Variants in UBXN2B observed in about 807,000 individuals in gnomAD.
The protein encoded by UBXN2B is UBX domain protein 2B.
A neutral mutation model predicts 37.5 loss-of-function variants in UBXN2B; 19 were observed. The ratio of observed to expected loss-of-function variants is 0.51; its 90% confidence interval spans 0.35 to 0.74. The LOEUF (loss-of-function observed/expected upper bound fraction) is 0.74, where lower values mean the gene tolerates loss of function less well. Ranked by LOEUF, UBXN2B falls within the 30% of genes least tolerant of loss-of-function variation. The pLI is 0.01. For synonymous variants in UBXN2B, 145 were observed against 143.8 expected (o/e 1.01, Z -0.06); for missense variants, 370 against 393.2 (o/e 0.94, Z 0.50).
Position 58,443,640 on chromosome 8 carries a change from A to C in UBXN2B, c.672-2267A>C, listed in dbSNP as rs866521544. 2.5e-3 allele frequency among the ~76,000 whole-genome samples: 344 copies of C among 137,384 alleles called. 5 individuals carry two copies. Among genetic ancestry groups the C allele is most frequent in the African/African-American group, 8.4e-3 (305 of 36,460 alleles). 90.1% of individuals were successfully genotyped at this position (137,384 alleles called of 152,430 possible). A position where few individuals can be genotyped will look rare whatever the true frequency, so the allele number is the denominator to read the frequency against. The stretch of plus-strand genomic sequence containing the variant: ...AAACCCCATCTCTACTAAAAATCCA[A>C]AAAAAAAAAAAAAAAAAATTAGCCG... On this transcript the variant is annotated intron_variant, in intron 6 of 7. Coordinates refer to ENST00000399598, the MANE Select transcript of UBXN2B (RefSeq NM_001077619.2).
chr8:58,430,992 A>G (rs539505053), intron 3 of UBXN2B, among the ~76,000 whole-genome samples: 2 of 152,282 alleles, frequency 1.3e-5, no homozygotes, highest in South Asian at 2.1e-4. Flanking sequence ...TACGTTTCAC[A>G]TGATTGTAGT....
At chr8:58,443,635 ATC>A (rs1563468109) in intron 6 of UBXN2B, among the ~76,000 whole-genome samples, 3 of 140,150 alleles carry the variant, frequency 2.1e-5, no homozygotes, top group East Asian at 4.5e-4. Context: ...TCTACTAAAA[ATC>A]CAAAAAAAAA....
At chr8:58,431,917 T>A (rs1808289714) in intron 3 of UBXN2B, among the ~76,000 whole-genome samples, 1 of 152,244 alleles carries the variant, frequency 6.6e-6, no homozygotes, top group African/African-American at 2.4e-5. Context: ...TTCATTACTT[T>A]CCCATTCTCT....
At chr8:58,428,680 C>A (rs1322146028) in intron 2 of UBXN2B, among the ~76,000 whole-genome samples, 3 of 152,202 alleles carry the variant, frequency 2.0e-5, no homozygotes, top group African/African-American at 7.2e-5. Context: ...CTTCAGCAAT[C>A]AATAAATATT....
chr8:58,436,636 T>C (rs1808418965), intron 5 of UBXN2B, among the ~76,000 whole-genome samples: 1 of 152,196 alleles, frequency 6.6e-6, no homozygotes, highest in African/African-American at 2.4e-5. Context: ...GGTGGATCCC[T>C]CACAAATGGC....
intron 2 of UBXN2B, among the ~76,000 whole-genome samples, chr8:58,417,945 T>C (rs1192547021): frequency 6.6e-6 from 1 of 152,090 alleles, no homozygotes; most frequent in African/African-American, 2.4e-5. Flanking sequence ...CTTACAAAAT[T>C]AATAGTAATT....
chr8:58,446,135 C>G (rs1489186780), intron 7 of UBXN2B, 67 bp downstream of exon 7: 7 of 1,413,214 alleles, frequency 5.0e-6, no homozygotes, highest in Admixed American at 2.5e-5. Flanking sequence ...CTAAGTAGAA[C>G]TGTATGTGAC....
chr8:58,441,348 C>CTATATATATATATATATATATATATAT (rs1242681481), intron 6 of UBXN2B, among the ~76,000 whole-genome samples: 3 of 104,656 alleles, frequency 2.9e-5, no homozygotes, highest in African/African-American at 1.2e-4. Context: ...TTGTGATCAA[C>CTATATATATATATATATATATATATAT]ATATATATAT....
At chr8:58,443,913 A>G (rs1585620351) in intron 6 of UBXN2B, among the ~76,000 whole-genome samples, 2 of 152,286 alleles carry the variant, frequency 1.3e-5, no homozygotes, top group East Asian at 1.9e-4. Context: ...GGTTCTGAGC[A>G]TGTCTTTTAG....
chr8:58,417,104 A>G, intron 2 of UBXN2B, 151 bp downstream of exon 2: 4 of 601,772 alleles, frequency 6.6e-6, no homozygotes, highest in Non-Finnish European at 7.9e-6. Flanking sequence ...TGGATAAAAA[A>G]TAGAAATGAT....
At chr8:58,418,578 A>T (rs548305296) in intron 2 of UBXN2B, among the ~76,000 whole-genome samples, 5 of 152,314 alleles carry the variant, frequency 3.3e-5, no homozygotes, top group Non-Finnish European at 5.9e-5. Context: ...TATGCTAGAT[A>T]AGTGATATTG....
chr8:58,415,518 G>A (rs1333767830), intron 1 of UBXN2B, among the ~76,000 whole-genome samples: 1 of 151,796 alleles, frequency 6.6e-6, no homozygotes, highest in Non-Finnish European at 1.5e-5. Context: ...ATATAACACT[G>A]TAGGAAGAAA....
chr8:58,424,724 C>A lies in UBXN2B; in HGVS notation c.189-5795C>A. On this transcript the variant is annotated intron_variant, in intron 2 of 7. Transcript: ENST00000399598. ...CTCTGATCTCCACTCGTCTGGTCCG[C>A]TAGAGAATACTTAATATTTGTATAT... is the stretch of plus-strand genomic sequence containing the variant. 3 of 1,393,540 alleles carry A rather than the reference C, an allele frequency of 2.2e-6. No homozygotes were observed. The South Asian group carries it at 3.5e-5, about 16-fold the overall frequency. The allele number at this position is 1,393,540 out of a possible 1,614,324, so 86.3% of individuals were successfully genotyped here. A position where few individuals can be genotyped will look rare whatever the true frequency, so the allele number is the denominator to read the frequency against.
At chr8:58,425,814 C>T (rs1245952257) in intron 2 of UBXN2B, 4 of 1,169,360 alleles carry the variant, frequency 3.4e-6, no homozygotes, top group African/African-American at 1.5e-5. Context: ...TCATACCGTT[C>T]TCCTCCACCA....
At position 58,434,470 on chromosome 8, in the gene UBXN2B, A is replaced by G; in HGVS notation, c.499A>G (p.Thr167Ala). 1.3e-6 allele frequency: 2 copies of G among 1,565,194 alleles called. No individual in the cohort carries two copies. The highest frequency in any genetic ancestry group is 1.7e-6 in the Non-Finnish European group (2 of 1,157,556). The change falls in exon 5 of 8, where the codon ACA becomes GCA. Residue 167 changes from threonine to alanine, a missense_variant. Coordinates refer to ENST00000399598, the MANE Select transcript of UBXN2B (RefSeq NM_001077619.2). Reference protein sequence around the residue: ...DGELRPYNEPTNAQFLESVKR... With the variant: ...DGELRPYNEPANAQFLESVKR... ...AGAATTGAGACCTTACAATGAACCA[A>G]CAAATGCTCAATTTCTGGAGTCTGT...
At position 58,447,595 on chromosome 8, in the gene UBXN2B, G is replaced by A; in HGVS notation, c.*44G>A. On this transcript the variant is annotated 3_prime_UTR_variant, in exon 8 of 8. Transcript: ENST00000399598. ...AGTAGCATGTGGGAATAGATGATGT[G>A]CCGTATTAATAAGGACAATACTTCA... 1.3e-6 allele frequency: 2 copies of A among 1,518,808 alleles called. No homozygotes were observed. The highest frequency in any genetic ancestry group is 2.7e-5 in the South Asian group (2 of 74,712). The allele number at this position is 1,518,808 out of a possible 1,614,324, so 94.1% of individuals were successfully genotyped here.
chr8:58,420,143 C>G (rs1807888873), intron 2 of UBXN2B, among the ~76,000 whole-genome samples: 1 of 152,166 alleles, frequency 6.6e-6, no homozygotes, highest in Non-Finnish European at 1.5e-5. Context: ...ATGGATACAT[C>G]TCAGTTGTAA....
chr8:58,411,392 G>A lies in UBXN2B; in HGVS notation c.7G>A (p.Glu3Lys). Residue 3 changes from glutamate (E) to lysine (K), a missense_variant, in exon 1 of 8, where the codon GAG becomes AAG. By Grantham distance (56) the Glu-to-Lys change is moderately conservative. Transcript: ENST00000399598. ...CGCCGCTAGCCAGCGGAAGATGGCGGAGGGCGGAGGCCCTGAGCCCGGCGA... is the reference window on the plus strand; with the variant it reads ...CGCCGCTAGCCAGCGGAAGATGGCGAAGGGCGGAGGCCCTGAGCCCGGCGA... The part of the protein sequence containing the change: MA[E>K]GGGPEPGEQE... 4 of 1,269,654 alleles carry A rather than the reference G, an allele frequency of 3.2e-6. No homozygotes were observed. Among genetic ancestry groups the A allele is most frequent in the Non-Finnish European group, 4.0e-6 (4 of 1,003,614 alleles). The allele number at this position is 1,269,654 out of a possible 1,614,324, so 78.6% of individuals were successfully genotyped here.
At chr8:58,425,008 A>G in intron 2 of UBXN2B, 1 of 784,566 alleles carries the variant, frequency 1.3e-6, no homozygotes, top group East Asian at 2.4e-5. Context: ...GTGCACCACG[A>G]CTGGCCTTGC....
Sources: gnomAD v4.1 joint callset for allele counts (sites outside exome capture counted in the v4.1 genomes callset) on GRCh38, gnomAD v4.1.1 for gene constraint, MANE v1.5 for transcripts, NCBI Gene and HGNC (gene_info 2026-07-23, HGNC 2026-07-21) for gene names.